MICAL3: variants seen among roughly 807,000 people sequenced by gnomAD.
MICAL3 encodes the protein [F-actin]-monooxygenase MICAL3.
In MICAL3, 62 loss-of-function variants were observed where a neutral mutation model predicts 207.4. The observed-to-expected ratio is 0.30, with a 90% confidence interval of 0.24 to 0.37. The LOEUF is 0.37. MICAL3 is among the 10% of genes least tolerant of loss of function. The pLI, the probability that MICAL3 is intolerant of heterozygous loss-of-function variation, is 1.00. For missense variants in MICAL3, 2,368 were observed against 2,635.6 expected (o/e 0.90, Z 2.22); for synonymous variants, 1,077 against 1,069.3 (o/e 1.01, Z -0.14).
chr22:17,939,076 A>G (rs571094585), intron 1 of MICAL3, among the ~76,000 whole-genome samples: 3 of 152,250 alleles, frequency 2.0e-5, no homozygotes, highest in African/African-American at 7.2e-5. Flanking sequence ...GAGTTAGTGG[A>G]TTAATGGGTT....
chr22:17,855,333 G>A (rs1352484601), intron 19 of MICAL3, among the ~76,000 whole-genome samples: 2 of 152,196 alleles, frequency 1.3e-5, no homozygotes, highest in South Asian at 2.1e-4. Flanking sequence ...GTCTTAAGAG[G>A]ACTGTGAATG....
chr22:17,795,709 C>T (rs974860057), intron 29 of MICAL3, among the ~76,000 whole-genome samples: 2 of 152,252 alleles, frequency 1.3e-5, no homozygotes, highest in Admixed American at 6.5e-5. Context: ...CCGGCGAGTC[C>T]GAGCTGCGCT....
chr22:17,825,417 C>G (rs1321783013), intron 22 of MICAL3, among the ~76,000 whole-genome samples: 11 of 152,140 alleles, frequency 7.2e-5, no homozygotes, highest in Admixed American at 7.2e-4. Context: ...CTATGAAAGC[C>G]AGGAGCCACT....
rs373739530 is a variant in MICAL3, at chr22:17,817,966, G to A, written c.4695C>T (p.Asn1565=). 4.8e-5 allele frequency: 77 copies of A among 1,612,376 alleles called. No individual in the cohort carries two copies. Among genetic ancestry groups the A allele is most frequent in the South Asian group, 2.6e-4 (24 of 91,080 alleles). Residue 1565 remains asparagine (N), a synonymous_variant, in exon 26 of 32, where the codon AAC becomes AAT. Transcript: ENST00000441493. The part of the protein sequence containing the change: ...KPRHPPLAKE[N]GRLPALEGTL... ...TCCCCTCCAGAGCAGGCAGCCTCCC[G>A]TTCTCCTTGGCCAGGGGCGGGTGGC...
chr22:17,912,123 T>C (rs1207470734), intron 1 of MICAL3, among the ~76,000 whole-genome samples: 1 of 152,218 alleles, frequency 6.6e-6, no homozygotes, highest in African/African-American at 2.4e-5. Flanking sequence ...ACCCCATCTC[T>C]TAACAAAACA....
intron 19 of MICAL3, chr22:17,842,443 A>G (rs567258153): frequency 4.6e-4 from 83 of 179,820 alleles, no homozygotes; most frequent in Middle Eastern, 1.9e-3. Flanking sequence ...GCCTCCCCCA[A>G]TGCCTGCCCC....
intron 19 of MICAL3, among the ~76,000 whole-genome samples, chr22:17,854,743 C>T (rs1925721579): frequency 6.6e-6 from 1 of 152,212 alleles, no homozygotes; most frequent in South Asian, 2.1e-4. Context: ...CATCCCCTAC[C>T]CCTCCGTCCA....
chr22:18,014,940 T>C (rs938292647), intron 1 of MICAL3, among the ~76,000 whole-genome samples: 2 of 151,964 alleles, frequency 1.3e-5, no homozygotes, highest in East Asian at 3.9e-4. Context: ...TGAGCCGACA[T>C]TGCGCTACTG....
chr22:17,912,600 T>C (rs1305884388), intron 1 of MICAL3, among the ~76,000 whole-genome samples: 1 of 152,216 alleles, frequency 6.6e-6, no homozygotes, highest in East Asian at 1.9e-4. Flanking sequence ...CTGTAGACAA[T>C]TATTTTCATC....
At chr22:17,937,684 TA>T (rs1933606343) in intron 1 of MICAL3, among the ~76,000 whole-genome samples, 1 of 152,094 alleles carries the variant, frequency 6.6e-6, no homozygotes, top group Admixed American at 6.6e-5. Context: ...TTAACAATAA[TA>T]AAAAAGATGG....
At chr22:17,820,930 T>A in intron 25 of MICAL3, among the ~76,000 whole-genome samples, 1 of 142,496 alleles carries the variant, frequency 7.0e-6, no homozygotes, top group African/African-American at 2.7e-5. Context: ...ACATAAATTT[T>A]AATAAATTTA....
At chr22:17,879,527 C>T (rs1264630350) in intron 16 of MICAL3, 1 of 679,234 alleles carries the variant, frequency 1.5e-6, no homozygotes, top group South Asian at 2.2e-5. Context: ...CCCTACTAAC[C>T]CCATCCCCAG....
rs1188740387 is a variant in MICAL3 at position 17,896,717 on chromosome 22, C to T, written c.1206+7G>A. On this transcript the variant is annotated splice_region_variant and intron_variant, in intron 8 of 31. Coordinates refer to ENST00000441493, the MANE Select transcript of MICAL3 (RefSeq NM_015241.3). ...TACCACAGAGTGCTGCCATGCTTAG[C>T]ACTCACCTCTAGGAGGCTGTCCCCG... 1.9e-6 allele frequency: 3 copies of T among 1,612,778 alleles called. No individual in the cohort carries two copies. Among genetic ancestry groups the T allele is most frequent in the African/African-American group, 1.3e-5 (1 of 75,022 alleles).
chr22:17,870,209 C>T (rs1188326110), intron 17 of MICAL3, among the ~76,000 whole-genome samples: 1 of 152,130 alleles, frequency 6.6e-6, no homozygotes, highest in Non-Finnish European at 1.5e-5. Flanking sequence ...CTCGGCCTCT[C>T]ACTGCCACCC....
intron 11 of MICAL3, among the ~76,000 whole-genome samples, chr22:17,892,481 A>G: frequency 6.6e-6 from 1 of 152,226 alleles, no homozygotes; most frequent in Non-Finnish European, 1.5e-5. Flanking sequence ...TAAGCTAAAA[A>G]CCAAGTATCA....
In MICAL3 at chr22:17,899,291, T is replaced by C. The variant is rs537382929; in HGVS notation, c.948+157A>G. On this transcript the variant is annotated intron_variant, in intron 7 of 31. Coordinates refer to ENST00000441493, the MANE Select transcript of MICAL3 (RefSeq NM_015241.3). ...ATTTGAAATTAGCCATAGTTAAGAG[T>C]TGTTCACGCTAAACTGGAAAACATC... is the stretch of plus-strand genomic sequence containing the variant. 14 of 701,904 alleles carry C rather than the reference T, an allele frequency of 2.0e-5. No homozygotes were observed. The East Asian group carries it at 3.0e-4, about 15-fold the overall frequency. The allele number at this position is 701,904 out of a possible 1,614,324, so 43.5% of individuals were successfully genotyped here.
intron 1 of MICAL3, among the ~76,000 whole-genome samples, chr22:17,993,175 T>C (rs5992146): frequency 0.065 from 9,939 of 152,196 alleles, 1,084 homozygotes; most frequent in African/African-American, 0.22. Context: ...TGACTACTCA[T>C]GGCCAAACTG....
intron 1 of MICAL3, among the ~76,000 whole-genome samples, chr22:17,956,553 C>T (rs1447670036): frequency 1.3e-5 from 2 of 152,182 alleles, no homozygotes; most frequent in African/African-American, 4.8e-5. Flanking sequence ...CCTGTAGTCC[C>T]AGCTACTTGG....
intron 20 of MICAL3, among the ~76,000 whole-genome samples, chr22:17,836,889 C>G (rs113108857): frequency 0.012 from 1,889 of 152,274 alleles, 37 homozygotes; most frequent in African/African-American, 0.041. Context: ...TTGTGATCTG[C>G]CTGCCTCGGC....
Sources: gnomAD v4.1 joint callset for allele counts (sites outside exome capture counted in the v4.1 genomes callset) on GRCh38, gnomAD v4.1.1 for gene constraint, MANE v1.5 for transcripts, NCBI Gene and HGNC (gene_info 2026-07-23, HGNC 2026-07-21) for gene names.